The following SGCG variants were observed in gnomAD, a reference collection of about 807,000 sequenced individuals.
SGCG encodes sarcoglycan gamma.
SGCG carries 26 observed loss-of-function variants against 29.3 expected under a neutral mutation model. The observed-to-expected ratio is 0.89, with a 90% CI of 0.65 to 1.23. The LOEUF is 1.23. SGCG is among the 50% of genes most tolerant of loss of function. The pLI, the probability that SGCG is intolerant of heterozygous loss-of-function variation, is 0.00. For synonymous variants in SGCG, 145 were observed against 129.7 expected, an observed-to-expected ratio of 1.12 and a Z score of -0.80; for missense variants, 353 against 356.0, an observed-to-expected ratio of 0.99 and a Z score of 0.07.
chr13:23,219,664 T>A (rs1878577917), intron 2 of SGCG, among the ~76,000 whole-genome samples: 1 of 152,084 alleles, frequency 6.6e-6, no homozygotes, highest in Non-Finnish European at 1.5e-5. Flanking sequence ...ATAATGGATA[T>A]GTTCATTAAT....
chr13:23,281,356 A>T (rs908593840), intron 5 of SGCG, among the ~76,000 whole-genome samples: 7 of 45,246 alleles, frequency 1.5e-4, no homozygotes, highest in Non-Finnish European at 3.5e-4. Flanking sequence ...AATAATAATA[A>T]TAATAATAAT....
rs375904616 is a variant in SGCG at position 23,320,713 on chromosome 13, G to A, written c.655G>A (p.Glu219Lys). The part of the protein sequence containing the change: ...VHIQAHAGKI[E>K]ALSQMDILFH... Reference sequence around the variant, plus strand: ...TATTCAAGCTCACGCTGGGAAAATTGAGGCGCTTTCTCAAATGGATATTCT... The same window carrying A: ...TATTCAAGCTCACGCTGGGAAAATTAAGGCGCTTTCTCAAATGGATATTCT... The change falls in exon 7 of 8, where the codon GAG (glutamate) becomes AAG (lysine). Residue 219 changes from glutamate (E) to lysine (K), a missense_variant. By Grantham distance (56) the Glu-to-Lys change is moderately conservative. Transcript: ENST00000218867. 20 of 1,609,216 alleles carry A rather than the reference G, an allele frequency of 1.2e-5. No homozygotes were observed. In the African/African-American group the frequency reaches 2.3e-4, roughly 18 times the overall value.
rs9552898 is a variant in SGCG at position 23,266,509 on chromosome 13, A to G, written c.386-12850A>G. Among the ~76,000 whole-genome samples, 3,366 of 152,224 alleles carry G rather than the reference A, an allele frequency of 0.022. 232 individuals are homozygous for G. In the East Asian group the frequency reaches 0.25, roughly 11 times the overall value. On this transcript the variant is annotated intron_variant, in intron 4 of 7. Coordinates refer to ENST00000218867, the MANE Select transcript of SGCG (RefSeq NM_000231.3). Reference sequence around the variant, plus strand: ...AATTAAGCTATGGGTATGCGAAGGCATACAGAGTGGTAAAATGAGCGTTGG... The same window carrying G: ...AATTAAGCTATGGGTATGCGAAGGCGTACAGAGTGGTAAAATGAGCGTTGG...
At chr13:23,281,344 A>C (rs1159216660) in intron 5 of SGCG, among the ~76,000 whole-genome samples, 4 of 5,320 alleles carry the variant, frequency 7.5e-4, no homozygotes, top group Non-Finnish European at 4.1e-3. Flanking sequence ...TGTCTCAGTA[A>C]TAATAATAAT....
intron 3 of SGCG, among the ~76,000 whole-genome samples, chr13:23,236,178 C>T (rs148664827): frequency 6.6e-5 from 10 of 152,248 alleles, no homozygotes; most frequent in Non-Finnish European, 1.3e-4. Flanking sequence ...GTGAAACAAT[C>T]CTGTCCTACA....
intron 4 of SGCG, among the ~76,000 whole-genome samples, chr13:23,277,081 A>C (rs916590237): frequency 6.6e-6 from 1 of 152,198 alleles, no homozygotes; most frequent in Admixed American, 6.5e-5. Context: ...GCTCAGACTT[A>C]CTATGAAAAT....
chr13:23,224,396 C>T (rs991233534), intron 2 of SGCG, among the ~76,000 whole-genome samples: 1 of 152,128 alleles, frequency 6.6e-6, no homozygotes, highest in Non-Finnish European at 1.5e-5. Context: ...ATGAATGCCT[C>T]CAGATGGGGA....
chr13:23,250,566 A>G (rs1879920608), intron 3 of SGCG, 64 bp from the exon 4 acceptor site: 1 of 796,844 alleles, frequency 1.3e-6, no homozygotes, highest in East Asian at 2.6e-5. Context: ...ATTTACACAG[A>G]ATTATAAAGA....
intron 6 of SGCG, among the ~76,000 whole-genome samples, chr13:23,314,760 G>A (rs2137516894): frequency 6.6e-6 from 1 of 152,166 alleles, no homozygotes; most frequent in Middle Eastern, 3.4e-3. Context: ...ATTTTTAGGG[G>A]TCCTGTGGTG....
At chr13:23,276,135 C>T (rs1032853267) in intron 4 of SGCG, among the ~76,000 whole-genome samples, 5 of 151,970 alleles carry the variant, frequency 3.3e-5, no homozygotes, top group Admixed American at 2.6e-4. Flanking sequence ...AAGACCTCTA[C>T]TGCAAAAGAC....
intron 3 of SGCG, among the ~76,000 whole-genome samples, chr13:23,248,537 CA>C (rs11353202): frequency 0.68 from 101,902 of 150,934 alleles, 34,712 homozygotes; most frequent in East Asian, 0.91. Flanking sequence ...TTCTCTACAA[CA>C]AAAAAAATTA....
At chr13:23,187,600 A>G (rs1877040209) in intron 1 of SGCG, among the ~76,000 whole-genome samples, 1 of 152,192 alleles carries the variant, frequency 6.6e-6, no homozygotes, top group South Asian at 2.1e-4. Context: ...AAGGCTGGCC[A>G]TAAGGGTCAC....
chr13:23,234,589 G>C (rs1462387579), intron 2 of SGCG, 22 bp from the exon 3 acceptor site: 17 of 1,443,924 alleles, frequency 1.2e-5, no homozygotes, highest in Admixed American at 1.7e-5. Context: ...TATACGCATT[G>C]TCTCTTTTTT....
chr13:23,273,590 A>C (rs1880950340), intron 4 of SGCG, among the ~76,000 whole-genome samples: 1 of 152,096 alleles, frequency 6.6e-6, no homozygotes, highest in African/African-American at 2.4e-5. Context: ...TCAAGTCATA[A>C]TTTTCCTTAA....
At chr13:23,291,709 A>G (rs895007794) in intron 5 of SGCG, among the ~76,000 whole-genome samples, 1 of 152,242 alleles carries the variant, frequency 6.6e-6, no homozygotes, top group African/African-American at 2.4e-5. Flanking sequence ...AATTATAGTT[A>G]CATTAGAAGG....
intron 5 of SGCG, among the ~76,000 whole-genome samples, chr13:23,286,573 A>C (rs898145750): frequency 1.3e-5 from 2 of 152,244 alleles, no homozygotes; most frequent in Admixed American, 6.5e-5. Context: ...CAAGCTGCAG[A>C]TAGTACTAAA....
intron 3 of SGCG, among the ~76,000 whole-genome samples, chr13:23,240,775 A>T (rs1189329219): frequency 6.6e-6 from 1 of 152,232 alleles, no homozygotes; most frequent in East Asian, 1.9e-4. Context: ...ATGACAATTA[A>T]GAAAACAATA....
intron 5 of SGCG, among the ~76,000 whole-genome samples, chr13:23,280,284 CAA>C (rs1255799637): frequency 6.6e-6 from 1 of 152,100 alleles, no homozygotes; most frequent in Non-Finnish European, 1.5e-5. Context: ...ATTCACTTGC[CAA>C]AGACTAGAAG....
chr13:23,297,525 G>A (rs1881953658), intron 6 of SGCG, among the ~76,000 whole-genome samples: 1 of 152,230 alleles, frequency 6.6e-6, no homozygotes, highest in Non-Finnish European at 1.5e-5. Context: ...GGATGGTTGG[G>A]CTAGTTATCT....
Sources: allele counts gnomAD v4.1 joint callset (sites outside exome capture counted in the v4.1 genomes callset), GRCh38; gene constraint gnomAD v4.1.1; transcripts MANE v1.5; gene names NCBI Gene and HGNC (gene_info 2026-07-23, HGNC 2026-07-21).